Variants in SDK1 observed in about 807,000 individuals in gnomAD.
SDK1 encodes sidekick cell adhesion molecule 1, also known as protein sidekick-1.
A neutral mutation model predicts 245.5 loss-of-function variants in SDK1; 157 were observed. The observed-to-expected ratio is 0.64, with a 90% confidence interval of 0.56 to 0.73. The LOEUF is 0.73. Ranked by LOEUF, SDK1 falls within the 30% of genes least tolerant of loss-of-function variation. The probability of loss-of-function intolerance (pLI) is 0.00; values close to 1 mark genes in which losing one functional copy is unlikely to be tolerated. For synonymous variants in SDK1, 1,647 were observed against 1,278.5 expected, an observed-to-expected ratio of 1.29 and a Z score of -6.15; for missense variants, 3,583 against 3,002.3, an observed-to-expected ratio of 1.19 and a Z score of -4.52.
At chr7:4,175,101 G>A (rs148468892) in intron 33 of SDK1, among the ~76,000 whole-genome samples, 31 of 152,310 alleles carry the variant, frequency 2.0e-4, no homozygotes, top group East Asian at 1.5e-3. Flanking sequence ...AATGCCAGCC[G>A]CGGGGCCTTC....
intron 1 of SDK1, among the ~76,000 whole-genome samples, chr7:3,592,773 G>A (rs1208536134): frequency 6.6e-6 from 1 of 152,192 alleles, no homozygotes; most frequent in Non-Finnish European, 1.5e-5. Flanking sequence ...CGTAGCTCCA[G>A]AATCTGCTCA....
At chr7:3,516,576 C>T (rs974800390) in intron 1 of SDK1, among the ~76,000 whole-genome samples, 1 of 152,064 alleles carries the variant, frequency 6.6e-6, no homozygotes, top group African/African-American at 2.4e-5. Context: ...TTAGAGCTTC[C>T]ATGACCTCTT....
intron 1 of SDK1, among the ~76,000 whole-genome samples, chr7:3,311,417 C>T (rs1469775192): frequency 6.6e-6 from 1 of 151,950 alleles, no homozygotes; most frequent in African/African-American, 2.4e-5. Flanking sequence ...GATTGAAGTT[C>T]ATTATGGAAT....
chr7:3,963,844 T>C (rs905733614), intron 9 of SDK1, among the ~76,000 whole-genome samples: 10 of 151,338 alleles, frequency 6.6e-5, no homozygotes, highest in African/African-American at 2.4e-4. Flanking sequence ...CCCAGATGTA[T>C]CCAGTGGGTA....
At chr7:3,321,800 CCTTCCT>C (rs1779817970) in intron 1 of SDK1, among the ~76,000 whole-genome samples, 2 of 116,032 alleles carry the variant, frequency 1.7e-5, no homozygotes, top group African/African-American at 7.1e-5. Context: ...TTCCTTCCTT[CCTTCCT>C]TCCTTCCTTC....
At chr7:3,464,141 C>T (rs566329152) in intron 1 of SDK1, among the ~76,000 whole-genome samples, 5 of 152,318 alleles carry the variant, frequency 3.3e-5, no homozygotes, top group Admixed American at 6.5e-5. Context: ...ACTGACGCAT[C>T]GTTCCCTGAG....
intron 4 of SDK1, among the ~76,000 whole-genome samples, chr7:3,688,464 A>G (rs1486943746): frequency 1.3e-5 from 2 of 152,274 alleles, no homozygotes; most frequent in Admixed American, 6.5e-5. Flanking sequence ...GTTATAAAGA[A>G]TAAATGAGAT....
chr7:3,792,347 C>T (rs1781123611), intron 4 of SDK1, among the ~76,000 whole-genome samples: 1 of 152,096 alleles, frequency 6.6e-6, no homozygotes, highest in Non-Finnish European at 1.5e-5. Flanking sequence ...TTGCTTTCCT[C>T]TTCTCTTTCT....
intron 14 of SDK1, among the ~76,000 whole-genome samples, chr7:4,009,268 T>A (rs1430654541): frequency 6.6e-6 from 1 of 152,244 alleles, no homozygotes; most frequent in Non-Finnish European, 1.5e-5. Flanking sequence ...GAGAACGGTA[T>A]TTCCATGGAA....
intron 5 of SDK1, among the ~76,000 whole-genome samples, chr7:3,861,558 A>G (rs907474390): frequency 2.8e-4 from 42 of 152,276 alleles, no homozygotes; most frequent in African/African-American, 9.9e-4. Flanking sequence ...GGGAGAAAGC[A>G]CGACTCATTT....
At chr7:3,784,082 T>C (rs1304177325) in intron 4 of SDK1, among the ~76,000 whole-genome samples, 2 of 147,052 alleles carry the variant, frequency 1.4e-5, no homozygotes, top group Non-Finnish European at 3.0e-5. Flanking sequence ...TTTTTTCTTT[T>C]CTTTGTTTTT....
chr7:4,242,451 C>T (rs1316646540), intron 43 of SDK1, among the ~76,000 whole-genome samples: 1 of 152,128 alleles, frequency 6.6e-6, no homozygotes, highest in African/African-American at 2.4e-5. Flanking sequence ...CTAAATCCAG[C>T]AGGAAGCAGG....
rs74936449 is a variant in SDK1, at chr7:3,763,540, C to A, written c.714-57910C>A. 3.3e-3 allele frequency among the ~76,000 whole-genome samples: 495 copies of A among 152,254 alleles called. 1 individual carries two copies. The highest frequency in any genetic ancestry group is 0.011 in the African/African-American group (463 of 41,540). ...AGCTGCAGGCATCAGTACACGTTGC[C>A]CCTAAACACTTCACCATGCATATCA... On this transcript the variant is annotated intron_variant, in intron 4 of 44. Transcript: ENST00000404826.
intron 4 of SDK1, among the ~76,000 whole-genome samples, chr7:3,658,442 G>C (rs1285803514): frequency 1.3e-5 from 2 of 151,832 alleles, no homozygotes; most frequent in Non-Finnish European, 2.9e-5. Context: ...ACATTCTGCT[G>C]AGTGGGATAC....
At chr7:3,646,897 G>C (rs1008714645) in intron 4 of SDK1, among the ~76,000 whole-genome samples, 14 of 152,188 alleles carry the variant, frequency 9.2e-5, no homozygotes, top group Non-Finnish European at 1.9e-4. Flanking sequence ...GATAATTAGA[G>C]TAGTCAAATT....
At chr7:3,475,711 C>T (rs1254053278) in intron 1 of SDK1, among the ~76,000 whole-genome samples, 1 of 152,152 alleles carries the variant, frequency 6.6e-6, no homozygotes, top group East Asian at 1.9e-4. Flanking sequence ...TTACTTAACT[C>T]TCAAGTCAAG....
chr7:4,005,117 C>A (rs547766577), intron 14 of SDK1, among the ~76,000 whole-genome samples: 17 of 135,256 alleles, frequency 1.3e-4, no homozygotes, highest in Middle Eastern at 0.01. Flanking sequence ...TTCATCTTGG[C>A]TCACTGCAAC....
intron 4 of SDK1, among the ~76,000 whole-genome samples, chr7:3,778,015 T>C (rs1008926429): frequency 1.3e-5 from 2 of 152,240 alleles, no homozygotes; most frequent in African/African-American, 4.8e-5. Flanking sequence ...GATTTTGTTT[T>C]ACATAAGTAG....
chr7:4,214,382 C>T (rs867333709), intron 38 of SDK1, among the ~76,000 whole-genome samples: 27 of 152,306 alleles, frequency 1.8e-4, no homozygotes, highest in African/African-American at 4.8e-4. Flanking sequence ...TAGTCACAAC[C>T]GTTTTCGCCT....
Sources: allele counts gnomAD v4.1 joint callset (sites outside exome capture counted in the v4.1 genomes callset), GRCh38; gene constraint gnomAD v4.1.1; transcripts MANE v1.5; gene names NCBI Gene and HGNC (gene_info 2026-07-23, HGNC 2026-07-21).